The following SRGAP3 variants were observed in gnomAD, a reference collection of about 807,000 sequenced individuals.
SRGAP3 encodes the protein SLIT-ROBO Rho GTPase-activating protein 3.
In SRGAP3, 39 loss-of-function variants were observed where a neutral mutation model predicts 121.1. That is an observed-to-expected ratio of 0.32 (90% CI 0.25 to 0.42). The LOEUF (loss-of-function observed/expected upper bound fraction) is 0.42. SRGAP3 is among the 10% of genes least tolerant of loss of function. The pLI is 1.00. For missense variants in SRGAP3, 1,213 were observed against 1,470.6 expected, an observed-to-expected ratio of 0.82 and a Z score of 2.86; for synonymous variants, 601 against 570.0, an observed-to-expected ratio of 1.05 and a Z score of -0.77.
At chr3:9,040,750 G>T (rs987686633) in intron 10 of SRGAP3, among the ~76,000 whole-genome samples, 1 of 151,976 alleles carries the variant, frequency 6.6e-6, no homozygotes. Flanking sequence ...GTAGAGATGA[G>T]GTCTTACTAT....
chr3:9,225,898 T>C (rs1173594312), intron 1 of SRGAP3, among the ~76,000 whole-genome samples: 2 of 140,566 alleles, frequency 1.4e-5, no homozygotes, highest in African/African-American at 5.0e-5. Flanking sequence ...ACCTTCTGAC[T>C]TTTATAAAAG....
chr3:9,255,758 G>A (rs1954118632), intron 3 of SRGAP3, among the ~76,000 whole-genome samples: 1 of 152,182 alleles, frequency 6.6e-6, no homozygotes, highest in Non-Finnish European at 1.5e-5. Context: ...ACGTGTGTCT[G>A]CTAACGAAAA....
chr3:9,248,388 C>T (rs1020749432), intron 1 of SRGAP3, among the ~76,000 whole-genome samples: 1 of 152,162 alleles, frequency 6.6e-6, no homozygotes, highest in Non-Finnish European at 1.5e-5. Context: ...AGGGATGCTG[C>T]CTCGCTGTGC....
intron 2 of SRGAP3, among the ~76,000 whole-genome samples, chr3:9,115,906 A>G (rs1241969597): frequency 6.6e-6 from 1 of 152,216 alleles, no homozygotes; most frequent in Non-Finnish European, 1.5e-5. Flanking sequence ...AACAAAAACC[A>G]AACAGTATAT....
chr3:9,079,884 C>T (rs995122472), intron 4 of SRGAP3, 141 bp downstream of exon 4: 12 of 773,124 alleles, frequency 1.6e-5, no homozygotes, highest in South Asian at 1.2e-4. Flanking sequence ...CATCCTGACA[C>T]GATGACCCAC....
intron 1 of SRGAP3, among the ~76,000 whole-genome samples, chr3:9,163,454 C>T (rs911388120): frequency 1.3e-5 from 2 of 152,204 alleles, no homozygotes; most frequent in African/African-American, 2.4e-5. Flanking sequence ...TGGTATTGAC[C>T]GAAGGCGTTT....
intron 12 of SRGAP3, 54 bp downstream of exon 12, chr3:9,032,596 A>T: frequency 2.0e-6 from 3 of 1,522,378 alleles, no homozygotes; most frequent in Non-Finnish European, 2.7e-6. Context: ...GGGCGGACAG[A>T]GGCTGCCATT....
intron 3 of SRGAP3, among the ~76,000 whole-genome samples, chr3:9,262,362 T>G (rs1429203898): frequency 1.3e-5 from 2 of 151,772 alleles, no homozygotes; most frequent in Non-Finnish European, 2.9e-5. Flanking sequence ...CATAACAATA[T>G]TAACTTTAAA....
upstream of SRGAP3, among the ~76,000 whole-genome samples, chr3:9,254,156 G>A (rs1268606214): frequency 6.6e-6 from 1 of 152,120 alleles, no homozygotes. Flanking sequence ...ATGAATATTC[G>A]TAGGAGCCCA....
At chr3:9,028,740 C>T (rs1172007644) in intron 12 of SRGAP3, among the ~76,000 whole-genome samples, 1 of 152,266 alleles carries the variant, frequency 6.6e-6, no homozygotes, top group East Asian at 1.9e-4. Flanking sequence ...TGCCGTACAC[C>T]CTAAGTTGCT....
At chr3:9,346,468 T>C (rs573892602) in intron 1 of SRGAP3, among the ~76,000 whole-genome samples, 2 of 152,294 alleles carry the variant, frequency 1.3e-5, no homozygotes, top group South Asian at 4.1e-4. Context: ...CATTTTTGGT[T>C]GTTATTTTGT....
intron 3 of SRGAP3, among the ~76,000 whole-genome samples, chr3:9,294,952 T>A (rs2125271995): frequency 6.6e-6 from 1 of 152,292 alleles, no homozygotes; most frequent in East Asian, 1.9e-4. Flanking sequence ...TGCTCCAATA[T>A]TATTGCTAGC....
chr3:9,113,327 T>C (rs1257257509), intron 2 of SRGAP3, among the ~76,000 whole-genome samples: 1 of 152,160 alleles, frequency 6.6e-6, no homozygotes, highest in Non-Finnish European at 1.5e-5. Context: ...CCTGGTAGGT[T>C]GCTGGAGATC....
chr3:9,175,441 C>A (rs891300087), intron 1 of SRGAP3, among the ~76,000 whole-genome samples: 1 of 152,204 alleles, frequency 6.6e-6, no homozygotes, highest in East Asian at 1.9e-4. Context: ...AATGAATGTG[C>A]ATTTTGCTGT....
At chr3:9,284,739 A>T (rs547455433) in intron 3 of SRGAP3, among the ~76,000 whole-genome samples, 1 of 151,058 alleles carries the variant, frequency 6.6e-6, no homozygotes, top group East Asian at 2.0e-4. Context: ...AGACTGACAC[A>T]GGAGGATCAC....
chr3:9,270,294 C>T (rs1954447754), intron 3 of SRGAP3, among the ~76,000 whole-genome samples: 1 of 152,110 alleles, frequency 6.6e-6, no homozygotes, highest in African/African-American at 2.4e-5. Context: ...AGAAAAAAGT[C>T]AATCTTTACA....
rs145480598 is a variant in SRGAP3, at chr3:9,272,508, G to A, written n.442+53502C>T. ...ACAAGTATGGAATCTTACAGTATTC[G>A]TCTTTTTGTGACTCGCTTATTTCAC... On this transcript the variant is annotated intron_variant and non_coding_transcript_variant, in intron 3 of 3. Coordinates refer to the SRGAP3 transcript ENST00000490889. 2.4e-3 allele frequency among the ~76,000 whole-genome samples: 360 copies of A among 152,220 alleles called. 2 individuals carry two copies. The highest frequency in any genetic ancestry group is 3.8e-3 in the Non-Finnish European group (259 of 68,030).
At chr3:9,289,120 A>G (rs1383741495) in intron 3 of SRGAP3, among the ~76,000 whole-genome samples, 1 of 151,768 alleles carries the variant, frequency 6.6e-6, no homozygotes, top group Non-Finnish European at 1.5e-5. Flanking sequence ...GGTAGTCTAG[A>G]ACCCCTGACC....
intron 11 of SRGAP3, chr3:9,036,327 C>T (rs1051832653): frequency 2.0e-5 from 3 of 152,158 alleles, no homozygotes; most frequent in African/African-American, 7.2e-5. Context: ...ACAATTTCCA[C>T]AAGTTAAATC....
Sources: gnomAD v4.1 joint callset for allele counts (sites outside exome capture counted in the v4.1 genomes callset) on GRCh38, gnomAD v4.1.1 for gene constraint, MANE v1.5 for transcripts, NCBI Gene and HGNC (gene_info 2026-07-23, HGNC 2026-07-21) for gene names.